MCC: variants seen among roughly 807,000 people sequenced by gnomAD.
MCC encodes colorectal mutant cancer protein.
Under a neutral mutation model 116.2 loss-of-function variants are expected in MCC, and 90 were observed. The observed-to-expected ratio is 0.77, with a 90% CI of 0.65 to 0.92. MCC has a LOEUF of 0.92. MCC is among the 40% of genes least tolerant of loss of function. The probability of loss-of-function intolerance (pLI) is 0.00; values close to 1 mark genes in which losing one functional copy is unlikely to be tolerated. For synonymous variants in MCC, 578 were observed against 510.5 expected (o/e 1.13, Z -1.78); for missense variants, 1,516 against 1,312.2 (o/e 1.16, Z -2.40).
intron 3 of MCC, among the ~76,000 whole-genome samples, chr5:113,236,706 T>G (rs1315893947): frequency 6.6e-6 from 1 of 152,194 alleles, no homozygotes; most frequent in African/African-American, 2.4e-5. Flanking sequence ...ATGATTAAGC[T>G]GAACACCTAG....
intron 6 of MCC, among the ~76,000 whole-genome samples, chr5:113,113,651 C>CAAAAA (rs11405354): frequency 1.8e-5 from 2 of 108,388 alleles, no homozygotes; most frequent in African/African-American, 3.6e-5. Flanking sequence ...TATGTTCTTG[C>CAAAAA]AAAAAAAAAA....
intron 1 of MCC, among the ~76,000 whole-genome samples, chr5:113,413,280 C>A (rs1208700387): frequency 1.3e-5 from 2 of 152,012 alleles, no homozygotes; most frequent in Admixed American, 1.3e-4. Context: ...ATGATGCTGT[C>A]CTCATAAAAT....
At chr5:113,141,213 T>G (rs1040723846) in intron 5 of MCC, among the ~76,000 whole-genome samples, 2 of 152,238 alleles carry the variant, frequency 1.3e-5, no homozygotes, top group Non-Finnish European at 2.9e-5. Flanking sequence ...TCCGTAGCCT[T>G]TGGACTCCAG....
At chr5:113,037,341 G>A (rs915612954) in intron 17 of MCC, among the ~76,000 whole-genome samples, 1 of 152,144 alleles carries the variant, frequency 6.6e-6, no homozygotes, top group Non-Finnish European at 1.5e-5. Context: ...GAGGAGTCTC[G>A]CTGGCTTTTT....
At chr5:113,388,446 C>T (rs570391537) in intron 1 of MCC, among the ~76,000 whole-genome samples, 1 of 152,234 alleles carries the variant, frequency 6.6e-6, no homozygotes, top group Non-Finnish European at 1.5e-5. Context: ...GAGGTGGGGC[C>T]TGGTAGGAAG....
intron 13 of MCC, 142 bp downstream of exon 13, chr5:113,067,938 G>T: frequency 1.5e-6 from 1 of 674,178 alleles, no homozygotes; most frequent in East Asian, 2.7e-5. Flanking sequence ...TACCCATTCA[G>T]TCATGAGGAA....
intron 1 of MCC, among the ~76,000 whole-genome samples, chr5:113,483,570 G>A (rs79046802): frequency 6.6e-6 from 1 of 151,850 alleles, no homozygotes; most frequent in Non-Finnish European, 1.5e-5. Flanking sequence ...AACAACAAGA[G>A]TATCTTTTAT....
chr5:113,329,702 C>T (rs1280683518), intron 3 of MCC, among the ~76,000 whole-genome samples: 1 of 152,136 alleles, frequency 6.6e-6, no homozygotes, highest in East Asian at 1.9e-4. Context: ...TACTGGCATA[C>T]TTTTTAATGT....
chr5:113,116,821 A>T (rs895286614), intron 6 of MCC, among the ~76,000 whole-genome samples: 5 of 152,226 alleles, frequency 3.3e-5, no homozygotes, highest in African/African-American at 7.2e-5. Context: ...CCAGGCTCAG[A>T]TCCCTAGGAG....
intron 8 of MCC, among the ~76,000 whole-genome samples, chr5:113,094,482 G>A (rs139783097): frequency 1.2e-3 from 176 of 150,314 alleles, no homozygotes; most frequent in African/African-American, 4.1e-3. Flanking sequence ...GTGCAGTGGC[G>A]CGATCACGGC....
intron 13 of MCC, among the ~76,000 whole-genome samples, chr5:113,066,910 G>A (rs1332840739): frequency 6.6e-6 from 1 of 152,192 alleles, no homozygotes; most frequent in African/African-American, 2.4e-5. Flanking sequence ...TTGGCTTTCT[G>A]TTTACTTGCT....
chr5:113,261,719 C>T (rs1765226559), intron 3 of MCC, among the ~76,000 whole-genome samples: 1 of 152,154 alleles, frequency 6.6e-6, no homozygotes. Context: ...CTACAATCAA[C>T]ATGGAAGAAA....
chr5:113,440,962 C>T (rs999165583), intron 1 of MCC, among the ~76,000 whole-genome samples: 1 of 152,150 alleles, frequency 6.6e-6, no homozygotes, highest in Admixed American at 6.5e-5. Context: ...CCTTTCTACC[C>T]CCTATACTCA....
intron 1 of MCC, among the ~76,000 whole-genome samples, chr5:113,459,898 G>A (rs958801857): frequency 1.3e-5 from 2 of 151,008 alleles, no homozygotes; most frequent in Admixed American, 6.6e-5. Flanking sequence ...TGTATTCTGT[G>A]GATATTTAGA....
chr5:113,038,999 C>A (rs1006404291), intron 17 of MCC, among the ~76,000 whole-genome samples: 21 of 152,088 alleles, frequency 1.4e-4, no homozygotes, highest in Non-Finnish European at 1.0e-4. Context: ...ACTAAATGAC[C>A]GCAGCCTCCT....
intron 17 of MCC, among the ~76,000 whole-genome samples, chr5:113,034,134 T>TA (rs1485469014): frequency 6.6e-6 from 1 of 151,586 alleles, no homozygotes; most frequent in Non-Finnish European, 1.5e-5. Context: ...TACTGGGCTC[T>TA]AGTGGTCCTC....
intron 3 of MCC, among the ~76,000 whole-genome samples, chr5:113,262,899 G>A (rs1383217194): frequency 3.3e-5 from 5 of 152,046 alleles, no homozygotes; most frequent in Non-Finnish European, 7.4e-5. Context: ...AACCACATTA[G>A]CCTCAGCAAT....
intron 1 of MCC, among the ~76,000 whole-genome samples, chr5:113,469,614 A>G (rs1014054139): frequency 7.2e-5 from 11 of 152,082 alleles, no homozygotes; most frequent in Non-Finnish European, 1.3e-4. Flanking sequence ...TATGTGGTCA[A>G]TTTTGGAGTA....
intron 3 of MCC, among the ~76,000 whole-genome samples, chr5:113,185,529 A>G (rs1056064267): frequency 2.0e-5 from 3 of 152,210 alleles, no homozygotes; most frequent in Non-Finnish European, 4.4e-5. Flanking sequence ...GAAGTAGCAG[A>G]TTGAAAGGCT....
Sources: allele counts gnomAD v4.1 joint callset (sites outside exome capture counted in the v4.1 genomes callset), GRCh38; gene constraint gnomAD v4.1.1; transcripts MANE v1.5; gene names NCBI Gene and HGNC (gene_info 2026-07-23, HGNC 2026-07-21).